Variants in GRAMD1B observed in about 807,000 individuals in gnomAD.
The protein encoded by GRAMD1B is protein Aster-B.
A neutral mutation model predicts 99.7 loss-of-function variants in GRAMD1B; 37 were observed. That is an observed-to-expected ratio of 0.37 (90% CI 0.29 to 0.49). The LOEUF (loss-of-function observed/expected upper bound fraction) is 0.49, where lower values mean the gene tolerates loss of function less well. Ranked by LOEUF, GRAMD1B falls within the 20% of genes least tolerant of loss-of-function variation. GRAMD1B has a pLI of 0.98. For missense variants in GRAMD1B, 888 were observed against 1,009.2 expected (o/e 0.88, Z 1.63); for synonymous variants, 427 against 387.6 (o/e 1.10, Z -1.19).
At chr11:123,386,948 T>A (rs907997050) in intron 1 of GRAMD1B, among the ~76,000 whole-genome samples, 1 of 152,152 alleles carries the variant, frequency 6.6e-6, no homozygotes, top group Non-Finnish European at 1.5e-5. Flanking sequence ...TGTCTTCAGT[T>A]TGTGTGAGGG....
intron 1 of GRAMD1B, among the ~76,000 whole-genome samples, chr11:123,461,612 GT>G (rs1247174993): frequency 3.9e-5 from 6 of 152,254 alleles, no homozygotes; most frequent in South Asian, 4.1e-4. Context: ...TGTTGTTGTT[GT>G]TTTGTTTTGA....
chr11:123,503,608 G>A (rs1940122399), intron 2 of GRAMD1B, among the ~76,000 whole-genome samples: 1 of 150,778 alleles, frequency 6.6e-6, no homozygotes, highest in Middle Eastern at 3.2e-3. Context: ...GTGCAATGGT[G>A]CAATCTTGGC....
At chr11:123,470,060 A>G (rs1354506790) in intron 1 of GRAMD1B, among the ~76,000 whole-genome samples, 7 of 152,178 alleles carry the variant, frequency 4.6e-5, no homozygotes, top group African/African-American at 1.7e-4. Flanking sequence ...TGACATAGAT[A>G]AGGACACCCT....
chr11:123,557,536 T>C (rs2041959077), intron 2 of GRAMD1B, among the ~76,000 whole-genome samples: 2 of 152,202 alleles, frequency 1.3e-5, no homozygotes, highest in Non-Finnish European at 2.9e-5. Context: ...TTTTGACCAA[T>C]ATTGATTATA....
chr11:123,409,465 G>A (rs1947965257), intron 1 of GRAMD1B, among the ~76,000 whole-genome samples: 2 of 152,292 alleles, frequency 1.3e-5, no homozygotes, highest in Non-Finnish European at 1.5e-5. Context: ...ACACTGCTGA[G>A]AACTTGCATA....
intron 4 of GRAMD1B, among the ~76,000 whole-genome samples, chr11:123,593,543 T>C (rs1023182391): frequency 6.6e-6 from 1 of 152,170 alleles, no homozygotes; most frequent in African/African-American, 2.4e-5. Flanking sequence ...TGTGTTTTTT[T>C]AATTCTCTAT....
At position 123,431,143 on chromosome 11, in the gene GRAMD1B, G is replaced by A. The variant is rs1255703183; in HGVS notation, c.351G>A (p.Glu117=). The part of the protein sequence containing the change: ...FLLRKWLRVR[E]RKECSESSSQ... ...TCCGCAAGTGGCTGAGGGTGAGGGA[G>A]CGGAAGGAGTGCAGTGAAAGCAGGT... Residue 117 remains glutamate, a synonymous_variant, in exon 1 of 20, where the codon GAG becomes GAA. Transcript: ENST00000635736. 1.4e-6 allele frequency: 1 copy of A among 702,698 alleles called. No homozygotes were observed. The highest frequency in any genetic ancestry group is 2.7e-5 in the East Asian group (1 of 37,280). The allele number at this position is 702,698 out of a possible 1,614,324, so 43.5% of individuals were successfully genotyped here. A position where few individuals can be genotyped will look rare whatever the true frequency, so the allele number is the denominator to read the frequency against.
At position 123,619,179 on chromosome 11, in the gene GRAMD1B, A is replaced by G. The variant is rs749686386; in HGVS notation, c.2499A>G (p.Gln833=). The G allele has an allele frequency of 3.8e-6, 6 of 1,568,688 alleles. No individual in the cohort carries two copies. Among genetic ancestry groups the G allele is most frequent in the Non-Finnish European group, 4.3e-6 (5 of 1,156,644 alleles). The change falls in exon 19 of 20, where the codon CAA becomes CAG. Residue 833 remains glutamine, a synonymous_variant. Coordinates refer to ENST00000635736, the MANE Select transcript of GRAMD1B (RefSeq NM_001387025.1). ...AAAAGTACCACGATACTGAGCTCCA[A>G]AAATGGAGGGAAATCATCAAATCCT... ...SQQKYHDTEL[Q]KWREIIKSSV...
At chr11:123,552,715 C>T (rs1945752948) in intron 2 of GRAMD1B, among the ~76,000 whole-genome samples, 1 of 152,152 alleles carries the variant, frequency 6.6e-6, no homozygotes, top group Non-Finnish European at 1.5e-5. Context: ...TCTCGTTATA[C>T]TGAATAAAGT....
chr11:123,604,632 C>T (rs1373193286), intron 9 of GRAMD1B, among the ~76,000 whole-genome samples: 1 of 152,176 alleles, frequency 6.6e-6, no homozygotes, highest in Non-Finnish European at 1.5e-5. Flanking sequence ...ATAGTGTTGT[C>T]GCTTAACCTC....
upstream of GRAMD1B, among the ~76,000 whole-genome samples, chr11:123,429,430 C>T (rs563489859): frequency 6.6e-6 from 1 of 152,132 alleles, no homozygotes; most frequent in East Asian, 1.9e-4. This position sits in a 1 kb window ranked among gnomAD's most constrained non-coding sequence, Gnocchi z 4.0. Context: ...AGGACTGAAC[C>T]AGACTTCCTA....
At chr11:123,541,234 C>G (rs4508213) in intron 2 of GRAMD1B, among the ~76,000 whole-genome samples, 18 of 152,072 alleles carry the variant, frequency 1.2e-4, no homozygotes, top group Non-Finnish European at 2.2e-4. Context: ...CCTCGGTGTC[C>G]CAAAGTACTG....
rs768594989 is a variant in GRAMD1B, at chr11:123,624,175, T to G, written c.*1580T>G. The G allele has an allele frequency of 6.6e-6, 1 of 152,082 alleles. No individual in the cohort carries two copies. The highest frequency in any genetic ancestry group is 1.5e-5 in the Non-Finnish European group (1 of 68,024). The allele number at this position is 152,082 out of a possible 1,614,324, so 9.4% of individuals were successfully genotyped here. On this transcript the variant is annotated 3_prime_UTR_variant, in exon 20 of 20. Transcript: ENST00000635736. ...AGAGGTCTTCAGTCTTGCTTATTCT[T>G]CTCCTGGGCTTCTTGACACAGGGGC...
chr11:123,465,246 C>T (rs1024998073), intron 1 of GRAMD1B, among the ~76,000 whole-genome samples: 2 of 152,046 alleles, frequency 1.3e-5, no homozygotes, highest in African/African-American at 4.8e-5. Context: ...AAGCAAAGAG[C>T]GGTATGTATG....
chr11:123,602,483 A>C (rs1192134990), intron 8 of GRAMD1B, among the ~76,000 whole-genome samples: 1 of 152,018 alleles, frequency 6.6e-6, no homozygotes, highest in Non-Finnish European at 1.5e-5. Context: ...ATTCTTTAGG[A>C]AGTCTATCGG....
intron 1 of GRAMD1B, among the ~76,000 whole-genome samples, chr11:123,462,966 A>G (rs1015668209): frequency 6.7e-6 from 1 of 149,776 alleles, no homozygotes; most frequent in South Asian, 2.1e-4. Flanking sequence ...CGTGCCATGT[A>G]TCCCTGTGAA....
chr11:123,613,528 C>G lies in GRAMD1B; in HGVS notation c.2097C>G (p.Ser699Arg). Reference sequence around the variant, plus strand: ...GACAATCTCCCAAAGAGAAGGCCAGCAAGACTACAACGGTGCGGAGGAGGA... The same window carrying G: ...GACAATCTCCCAAAGAGAAGGCCAGGAAGACTACAACGGTGCGGAGGAGGA... ...MHRQSPKEKASKTTTVRRRKR... is the reference protein window; with the variant it reads ...MHRQSPKEKARKTTTVRRRKR... Residue 699 changes from serine (S) to arginine (R), a missense_variant, in exon 16 of 20, where the codon AGC (serine) becomes AGG (arginine). Coordinates refer to ENST00000635736, the MANE Select transcript of GRAMD1B (RefSeq NM_001387025.1). The G allele has an allele frequency of 6.2e-7, 1 of 1,613,564 alleles. No homozygotes were observed. Among genetic ancestry groups the G allele is most frequent in the East Asian group, 2.2e-5 (1 of 44,866 alleles).
chr11:123,515,317 G>A (rs755793258), intron 2 of GRAMD1B, among the ~76,000 whole-genome samples: 1 of 152,170 alleles, frequency 6.6e-6, no homozygotes, highest in Non-Finnish European at 1.5e-5. Context: ...AGAAATTTGT[G>A]TCTGAGGTTA....
intron 1 of GRAMD1B, among the ~76,000 whole-genome samples, chr11:123,378,854 T>TCTCATGCAC (rs1448257845): frequency 8.5e-5 from 13 of 152,234 alleles, no homozygotes; most frequent in Non-Finnish European, 2.9e-5. Flanking sequence ...TTTTTCTGCT[T>TCTCATGCAC]AGAGTCTTCT....
Sources: gnomAD v4.1 joint callset for allele counts (sites outside exome capture counted in the v4.1 genomes callset) on GRCh38, gnomAD v4.1.1 for gene constraint, Gnocchi (gnomAD v3.1) non-coding constraint, MANE v1.5 for transcripts, NCBI Gene and HGNC (gene_info 2026-07-23, HGNC 2026-07-21) for gene names.